The following ZNF536 variants were observed in gnomAD, a reference collection of about 807,000 sequenced individuals.
ZNF536 encodes the protein zinc finger protein 536.
In ZNF536, 13 loss-of-function variants were observed where a neutral mutation model predicts 84.5. The observed-to-expected ratio is 0.15, with a 90% CI of 0.10 to 0.24. The LOEUF is 0.24. Among genes scored for constraint, ZNF536 ranks in the 10% least tolerant of loss-of-function variants. ZNF536 has a pLI of 1.00. For synonymous variants in ZNF536, 811 were observed against 742.5 expected, an observed-to-expected ratio of 1.09 and a Z score of -1.50; for missense variants, 1,536 against 1,747.5, an observed-to-expected ratio of 0.88 and a Z score of 2.16.
intron 1 of ZNF536, among the ~76,000 whole-genome samples, chr19:30,625,027 A>C (rs755945491): frequency 3.3e-5 from 5 of 152,222 alleles, no homozygotes; most frequent in Non-Finnish European, 1.5e-5. Flanking sequence ...CTGTGAGTCA[A>C]TTAAACCTCC....
chr19:30,707,847 T>C (rs1372316088), intron 1 of ZNF536, among the ~76,000 whole-genome samples: 3 of 151,552 alleles, frequency 2.0e-5, no homozygotes, highest in Non-Finnish European at 1.5e-5. Flanking sequence ...CCATCTCTAC[T>C]AAAAATACAA....
intron 3 of ZNF536, among the ~76,000 whole-genome samples, chr19:30,540,847 T>G (rs1019000614): frequency 6.6e-6 from 1 of 152,240 alleles, no homozygotes; most frequent in South Asian, 2.1e-4. Flanking sequence ...TGGCGCAGCC[T>G]CCAGGGAATT....
At chr19:30,582,150 C>T (rs987191417) in intron 1 of ZNF536, among the ~76,000 whole-genome samples, 2 of 152,030 alleles carry the variant, frequency 1.3e-5, no homozygotes, top group Admixed American at 6.6e-5. Context: ...CTTTGGCTGG[C>T]AGCTGGGAAA....
chr19:30,489,072 G>A (rs1469670360), intron 2 of ZNF536, among the ~76,000 whole-genome samples: 1 of 152,136 alleles, frequency 6.6e-6, no homozygotes, highest in Non-Finnish European at 1.5e-5. Context: ...AATCACTGGG[G>A]CAGAGAACCC....
intron 1 of ZNF536, among the ~76,000 whole-genome samples, chr19:30,575,283 G>A (rs1054866222): frequency 1.2e-4 from 18 of 152,230 alleles, no homozygotes; most frequent in South Asian, 6.2e-4. Context: ...ATGCCCCGCC[G>A]GGCACTTCCC....
At chr19:30,591,300 G>A (rs1361238142) in intron 1 of ZNF536, among the ~76,000 whole-genome samples, 2 of 152,164 alleles carry the variant, frequency 1.3e-5, no homozygotes, top group African/African-American at 4.8e-5. Flanking sequence ...CTGTTCTCAT[G>A]CTGCTAATAA....
intron 2 of ZNF536, among the ~76,000 whole-genome samples, chr19:30,305,862 C>T (rs981724427): frequency 6.6e-6 from 1 of 152,230 alleles, no homozygotes; most frequent in Non-Finnish European, 1.5e-5. Context: ...ACTGTGCCAT[C>T]AGGCGCCCTG....
chr19:30,495,544 T>C (rs1308834343), intron 2 of ZNF536, among the ~76,000 whole-genome samples: 1 of 152,168 alleles, frequency 6.6e-6, no homozygotes, highest in Non-Finnish European at 1.5e-5. Flanking sequence ...GTCTACAGAA[T>C]CATAGAATCA....
intron 2 of ZNF536, among the ~76,000 whole-genome samples, chr19:30,453,441 C>T (rs529634722): frequency 6.6e-6 from 1 of 152,320 alleles, no homozygotes; most frequent in East Asian, 1.9e-4. Context: ...TTACTCTCTT[C>T]ACCTAAGTCC....
At chr19:30,477,537 T>A (rs991724048) in intron 2 of ZNF536, among the ~76,000 whole-genome samples, 1 of 152,238 alleles carries the variant, frequency 6.6e-6, no homozygotes, top group Non-Finnish European at 1.5e-5. Context: ...CAGAAATTTC[T>A]GCTTTGTGGC....
intron 1 of ZNF536, among the ~76,000 whole-genome samples, chr19:30,251,869 A>T (rs2024629243): frequency 6.6e-6 from 1 of 152,214 alleles, no homozygotes; most frequent in Non-Finnish European, 1.5e-5. Flanking sequence ...CACTTAGACT[A>T]ATAGTCTTCA....
At chr19:30,563,191 A>G (rs2046232784) in intron 1 of ZNF536, among the ~76,000 whole-genome samples, 1 of 152,100 alleles carries the variant, frequency 6.6e-6, no homozygotes, top group African/African-American at 2.4e-5. Flanking sequence ...ATTATAAATC[A>G]TGGTGCCCCA....
chr19:30,710,121 C>A (rs768944598), intron 1 of ZNF536, among the ~76,000 whole-genome samples: 8 of 152,152 alleles, frequency 5.3e-5, no homozygotes, highest in Non-Finnish European at 1.2e-4. Flanking sequence ...TCTCTAAATA[C>A]CTACACAGTA....
At chr19:30,451,217 G>C (rs950965902) in intron 2 of ZNF536, among the ~76,000 whole-genome samples, 1 of 152,236 alleles carries the variant, frequency 6.6e-6, no homozygotes, top group Non-Finnish European at 1.5e-5. Context: ...CCACCTTTCC[G>C]CTGGGGCCCA....
intron 1 of ZNF536, among the ~76,000 whole-genome samples, chr19:30,591,833 T>A (rs1347724649): frequency 6.6e-6 from 1 of 152,196 alleles, no homozygotes; most frequent in East Asian, 1.9e-4. Flanking sequence ...GAATTCCTTT[T>A]CAACTCTACG....
intron 2 of ZNF536, among the ~76,000 whole-genome samples, chr19:30,461,911 T>A (rs915344574): frequency 2.6e-5 from 4 of 152,086 alleles, no homozygotes; most frequent in African/African-American, 9.7e-5. Flanking sequence ...GCAGACACCA[T>A]CCGGAAGTCA....
In ZNF536 at chr19:30,295,338, G is replaced by C. The variant is rs561207282; in HGVS notation, c.-120+11197G>C. Among the ~76,000 whole-genome samples the C allele has an allele frequency of 1.1e-4, 16 of 152,236 alleles. No individual in the cohort carries two copies. The South Asian group carries it at 3.3e-3, about 32-fold the overall frequency. On this transcript the variant is annotated intron_variant, in intron 2 of 5. Transcript: ENST00000585628. ...CAGGAAACAGTGTGATTGGAGGCGG[G>C]GGTGGGGAGGTTGTCTGCTGGCTTG...
chr19:30,418,734 A>G (rs1426289034), intron 1 of ZNF536, among the ~76,000 whole-genome samples: 2 of 152,182 alleles, frequency 1.3e-5, no homozygotes, highest in Admixed American at 6.5e-5. Flanking sequence ...TCATGCCACC[A>G]TCACTAAACC....
chr19:30,577,001 G>T (rs1322215618), intron 1 of ZNF536, among the ~76,000 whole-genome samples: 2 of 152,164 alleles, frequency 1.3e-5, no homozygotes, highest in African/African-American at 4.8e-5. Flanking sequence ...TTTTGTTGTT[G>T]TTGTTGTTTT....
Sources: gnomAD v4.1 joint callset for allele counts (sites outside exome capture counted in the v4.1 genomes callset) on GRCh38, gnomAD v4.1.1 for gene constraint, MANE v1.5 for transcripts, NCBI Gene and HGNC (gene_info 2026-07-23, HGNC 2026-07-21) for gene names.